The following TMCC1 variants were observed in gnomAD, a reference collection of about 807,000 sequenced individuals.
TMCC1 encodes transmembrane and coiled-coil domains protein 1.
Under a neutral mutation model 52.4 loss-of-function variants are expected in TMCC1, and 15 were observed. The ratio of observed to expected loss-of-function variants is 0.29; its 90% confidence interval spans 0.19 to 0.44. The LOEUF (loss-of-function observed/expected upper bound fraction) is 0.44. TMCC1 is among the 20% of genes least tolerant of loss of function. The pLI is 1.00. For missense variants in TMCC1, 503 were observed against 806.0 expected (o/e 0.62, Z 4.55); for synonymous variants, 279 against 301.9 (o/e 0.92, Z 0.79).
chr3:129,770,170 C>T (rs1366301257), intron 4 of TMCC1, among the ~76,000 whole-genome samples: 1 of 152,026 alleles, frequency 6.6e-6, no homozygotes, highest in East Asian at 1.9e-4. Context: ...TATCTCAGGT[C>T]CAATTAAAGA....
intron 2 of TMCC1, among the ~76,000 whole-genome samples, chr3:129,842,327 T>C (rs1455810259): frequency 6.6e-6 from 1 of 152,082 alleles, no homozygotes; most frequent in African/African-American, 2.4e-5. Context: ...TTAGCTGGGC[T>C]TGGTGACATG....
chr3:129,811,305 C>T (rs907469247), intron 4 of TMCC1, among the ~76,000 whole-genome samples: 6 of 152,058 alleles, frequency 3.9e-5, no homozygotes, highest in Admixed American at 1.3e-4. Context: ...CACTCTGTTG[C>T]CCAGACTGGA....
chr3:129,821,472 A>G (rs1357301046), intron 4 of TMCC1, among the ~76,000 whole-genome samples: 1 of 152,226 alleles, frequency 6.6e-6, no homozygotes, highest in Admixed American at 6.5e-5. Flanking sequence ...AAACAAATTC[A>G]CTTCAACAAA....
intron 2 of TMCC1, among the ~76,000 whole-genome samples, chr3:129,846,404 T>C (rs2059666402): frequency 6.6e-6 from 1 of 152,242 alleles, no homozygotes; most frequent in Non-Finnish European, 1.5e-5. Context: ...CTCCCATTTA[T>C]GCTTTCTCCT....
chr3:129,804,835 T>C (rs1325716827), intron 4 of TMCC1, among the ~76,000 whole-genome samples: 1 of 152,208 alleles, frequency 6.6e-6, no homozygotes, highest in Non-Finnish European at 1.5e-5. Flanking sequence ...TCCCCCTTAC[T>C]TGATATGAAA....
Position 129,707,341 on chromosome 3 carries a change from A to G in TMCC1, c.577-36077T>C, listed in dbSNP as rs138950047. 4.6e-3 allele frequency among the ~76,000 whole-genome samples: 694 copies of G among 152,358 alleles called. 8 individuals carry two copies. Among genetic ancestry groups the G allele is most frequent in the African/African-American group, 0.016 (660 of 41,578 alleles). ...ATTCAAAATCCCAAATGAGAATTGA[A>G]AGGGACCTTAAAAGATGGTCTACCC... On this transcript the variant is annotated intron_variant, in intron 4 of 6. Transcript: ENST00000393238.
chr3:129,793,367 A>G (rs1576869522), intron 4 of TMCC1, among the ~76,000 whole-genome samples: 2 of 152,330 alleles, frequency 1.3e-5, no homozygotes, highest in Admixed American at 1.3e-4. Context: ...TGAGGGAACT[A>G]AAGGTTTTCC....
chr3:129,888,991 G>A (rs2061844489), intron 1 of TMCC1, among the ~76,000 whole-genome samples: 1 of 152,118 alleles, frequency 6.6e-6, no homozygotes, highest in Non-Finnish European at 1.5e-5. Context: ...CCTGACCACG[G>A]CTGGACACAG....
At chr3:129,760,162 T>C (rs1388021539) in intron 4 of TMCC1, among the ~76,000 whole-genome samples, 1 of 152,158 alleles carries the variant, frequency 6.6e-6, no homozygotes, top group Non-Finnish European at 1.5e-5. Flanking sequence ...CTTCCAATGG[T>C]GTGGTACATT....
At chr3:129,852,988 T>C (rs2059984147) in intron 2 of TMCC1, among the ~76,000 whole-genome samples, 1 of 152,218 alleles carries the variant, frequency 6.6e-6, no homozygotes, top group South Asian at 2.1e-4. Context: ...CAATTAATAA[T>C]GCATCCTTAA....
At chr3:129,871,695 G>A (rs182617289) in intron 2 of TMCC1, among the ~76,000 whole-genome samples, 16 of 151,928 alleles carry the variant, frequency 1.1e-4, no homozygotes, top group African/African-American at 3.9e-4. Context: ...TTACATAAAC[G>A]GCTCCTACAA....
chr3:129,695,752 C>T (rs183982975), intron 4 of TMCC1, among the ~76,000 whole-genome samples: 1 of 152,116 alleles, frequency 6.6e-6, no homozygotes, highest in African/African-American at 2.4e-5. Context: ...CTGCCCCTGA[C>T]CCCTCCCAAA....
intron 4 of TMCC1, among the ~76,000 whole-genome samples, chr3:129,820,449 G>T (rs1485308496): frequency 6.6e-6 from 1 of 151,960 alleles, no homozygotes; most frequent in Non-Finnish European, 1.5e-5. Flanking sequence ...ACAATGTGAA[G>T]GCAATTCATG....
intron 4 of TMCC1, among the ~76,000 whole-genome samples, chr3:129,812,273 T>C (rs1324234688): frequency 4.3e-5 from 5 of 117,554 alleles, no homozygotes; most frequent in Non-Finnish European, 8.0e-5. Context: ...ATCTGGGAGG[T>C]GGAGGGTGCA....
intron 4 of TMCC1, among the ~76,000 whole-genome samples, chr3:129,785,243 G>A (rs966689567): frequency 2.0e-5 from 3 of 152,166 alleles, no homozygotes; most frequent in African/African-American, 4.8e-5. Flanking sequence ...AGCTAGAGTA[G>A]TGTCAGTGAA....
At chr3:129,688,841 G>A in intron 4 of TMCC1, 2 of 684,598 alleles carry the variant, frequency 2.9e-6, no homozygotes, top group Non-Finnish European at 3.6e-6. Context: ...TGGATTTAAA[G>A]CTACAGGGTA....
At chr3:129,891,743 A>C (rs927600945) in intron 1 of TMCC1, among the ~76,000 whole-genome samples, 2 of 152,256 alleles carry the variant, frequency 1.3e-5, no homozygotes, top group Non-Finnish European at 2.9e-5. Flanking sequence ...CCTGGAACAA[A>C]GTAAGGGCTC....
chr3:129,843,190 C>T (rs1039509729), intron 2 of TMCC1, among the ~76,000 whole-genome samples: 2 of 151,638 alleles, frequency 1.3e-5, no homozygotes, highest in Admixed American at 1.3e-4. Context: ...ACTGAAAATA[C>T]AAAAAAATTA....
At chr3:129,668,048 C>T (rs1030101496) in intron 5 of TMCC1, among the ~76,000 whole-genome samples, 3 of 152,076 alleles carry the variant, frequency 2.0e-5, no homozygotes, top group African/African-American at 4.8e-5. Context: ...ACGAGCCAAG[C>T]GTGGTGGTGC....
Sources: gnomAD v4.1 joint callset for allele counts (sites outside exome capture counted in the v4.1 genomes callset) on GRCh38, gnomAD v4.1.1 for gene constraint, MANE v1.5 for transcripts, NCBI Gene and HGNC (gene_info 2026-07-23, HGNC 2026-07-21) for gene names.